The following PLSCR2 variants were observed in gnomAD, a reference collection of about 807,000 sequenced individuals.
PLSCR2 encodes phospholipid scramblase 2.
A neutral mutation model predicts 25.3 loss-of-function variants in PLSCR2; 18 were observed. That is an observed-to-expected ratio of 0.71 (90% CI 0.49 to 1.06). The LOEUF is 1.06. Among genes scored for constraint, PLSCR2 ranks in the 50% least tolerant of loss-of-function variants. PLSCR2 has a pLI of 0.00. For synonymous variants in PLSCR2, 88 were observed against 87.3 expected (o/e 1.01, Z -0.04); for missense variants, 243 against 269.5 (o/e 0.90, Z 0.69).
intron 2 of PLSCR2, among the ~76,000 whole-genome samples, chr3:146,403,463 T>C (rs2038549860): frequency 6.6e-6 from 1 of 152,182 alleles, no homozygotes; most frequent in South Asian, 2.1e-4. Flanking sequence ...CCAGGTGATG[T>C]TGATGCTGCT....
rs192845827 is a variant in PLSCR2 at position 146,447,722 on chromosome 3, T to C, written c.645+1484A>G. On this transcript the variant is annotated intron_variant, in intron 6 of 6. Transcript: ENST00000610787. ...TGTCTCACTAGGTTATATATACCCA[T>C]AAGTCCAGAGGCTCCATGTCCAGCA... Among the ~76,000 whole-genome samples, 46 of 152,260 alleles carry C rather than the reference T, an allele frequency of 3.0e-4. No individual in the cohort carries two copies. In the East Asian group the frequency reaches 8.1e-3, roughly 27 times the overall value.
At chr3:146,460,759 G>A (rs1284230702), upstream of PLSCR2, among the ~76,000 whole-genome samples, 5 of 152,164 alleles carry the variant, frequency 3.3e-5, no homozygotes. Context: ...CTACAGTGTT[G>A]AGAAACCCTA....
chr3:146,396,466 C>T (rs1324300355), intron 2 of PLSCR2, among the ~76,000 whole-genome samples: 1 of 151,998 alleles, frequency 6.6e-6, no homozygotes, highest in Non-Finnish European at 1.5e-5. Context: ...TAATGAGGGC[C>T]ATAAGGGAAG....
intron 3 of PLSCR2, among the ~76,000 whole-genome samples, chr3:146,394,952 G>A (rs1423346673): frequency 1.3e-5 from 2 of 152,142 alleles, no homozygotes; most frequent in African/African-American, 2.4e-5. Context: ...GTTTCCTGCC[G>A]CCTTGTGGAA....
chr3:146,453,378 C>T (rs1398605381), intron 5 of PLSCR2, among the ~76,000 whole-genome samples: 1 of 152,018 alleles, frequency 6.6e-6, no homozygotes, highest in African/African-American at 2.4e-5. Context: ...ACATTTGCAA[C>T]TAAATGATTT....
chr3:146,408,581 A>G (rs2038734031), intron 2 of PLSCR2, among the ~76,000 whole-genome samples: 1 of 152,088 alleles, frequency 6.6e-6, no homozygotes, highest in South Asian at 2.1e-4. Flanking sequence ...GCTGACTGAT[A>G]TTCATTCCAG....
At chr3:146,458,969 T>A (rs2041391359) in intron 2 of PLSCR2, among the ~76,000 whole-genome samples, 1 of 152,122 alleles carries the variant, frequency 6.6e-6, no homozygotes, top group African/African-American at 2.4e-5. Flanking sequence ...AAAATTAAGT[T>A]ATTATAAAGA....
intron 5 of PLSCR2, among the ~76,000 whole-genome samples, chr3:146,452,018 T>TG (rs2040926592): frequency 6.6e-6 from 1 of 152,228 alleles, no homozygotes; most frequent in South Asian, 2.1e-4. Flanking sequence ...GTCAAACCCA[T>TG]GGAGGAGGTT....
At chr3:146,480,649 G>A (rs551203231) in intron 1 of PLSCR2, among the ~76,000 whole-genome samples, 93 of 69,766 alleles carry the variant, frequency 1.3e-3, no homozygotes, top group Non-Finnish European at 3.1e-4. Context: ...GAATTCTACC[G>A]AGGTACAAAG....
chr3:146,438,629 A>C (rs2040036971), downstream of PLSCR2, among the ~76,000 whole-genome samples: 1 of 152,032 alleles, frequency 6.6e-6, no homozygotes, highest in Admixed American at 6.5e-5. Context: ...TTTGCTTGGT[A>C]GATCTTCCTG....
At chr3:146,486,054 C>T (rs913103117) in intron 1 of PLSCR2, among the ~76,000 whole-genome samples, 1 of 152,018 alleles carries the variant, frequency 6.6e-6, no homozygotes, top group Non-Finnish European at 1.5e-5. Context: ...GGTGGAGACA[C>T]AGAGCCAAAC....
chr3:146,437,459 T>C (rs1019352531), downstream of PLSCR2, among the ~76,000 whole-genome samples: 11 of 152,190 alleles, frequency 7.2e-5, no homozygotes, highest in Non-Finnish European at 1.2e-4. Context: ...AACCTGTTAT[T>C]GGTCTATTCA....
At chr3:146,408,092 G>A (rs1157642329) in intron 2 of PLSCR2, among the ~76,000 whole-genome samples, 1 of 152,174 alleles carries the variant, frequency 6.6e-6, no homozygotes, top group Non-Finnish European at 1.5e-5. Flanking sequence ...AGTCTCTACA[G>A]CATGAGGAGC....
intron 8 of PLSCR2, among the ~76,000 whole-genome samples, chr3:146,433,914 T>C (rs2108140493): frequency 6.6e-6 from 1 of 152,300 alleles, no homozygotes; most frequent in East Asian, 1.9e-4. Flanking sequence ...GAGTGGCTGT[T>C]GGAGGAGTTT....
intron 6 of PLSCR2, among the ~76,000 whole-genome samples, chr3:146,446,516 C>T (rs1328725757): frequency 6.6e-6 from 1 of 152,106 alleles, no homozygotes; most frequent in African/African-American, 2.4e-5. Context: ...CAACAAGGAG[C>T]GTCTCTGTGC....
chr3:146,429,162 A>T (rs144039653), downstream of PLSCR2, among the ~76,000 whole-genome samples: 58 of 152,346 alleles, frequency 3.8e-4, no homozygotes, highest in East Asian at 0.011. Flanking sequence ...GCATAGTGCC[A>T]GCATCTGCTT....
chr3:146,408,287 C>A (rs1352404158), intron 2 of PLSCR2, among the ~76,000 whole-genome samples: 1 of 152,118 alleles, frequency 6.6e-6, no homozygotes, highest in African/African-American at 2.4e-5. Flanking sequence ...TTAGCAACTC[C>A]TTGGCTTTCG....
intron 1 of PLSCR2, among the ~76,000 whole-genome samples, chr3:146,486,593 A>G (rs2043352422): frequency 6.6e-6 from 1 of 152,068 alleles, no homozygotes; most frequent in Admixed American, 6.5e-5. Context: ...ATTCCTGGAC[A>G]TATACACCAT....
intron 1 of PLSCR2, among the ~76,000 whole-genome samples, chr3:146,476,645 C>T (rs2042294395): frequency 6.6e-6 from 1 of 152,220 alleles, no homozygotes; most frequent in African/African-American, 2.4e-5. Flanking sequence ...GGGCAGTAGC[C>T]ATCACTACAG....
Sources: gnomAD v4.1 joint callset for allele counts (sites outside exome capture counted in the v4.1 genomes callset) on GRCh38, gnomAD v4.1.1 for gene constraint, MANE v1.5 for transcripts, NCBI Gene and HGNC (gene_info 2026-07-23, HGNC 2026-07-21) for gene names.